The following UBE2V2 variants were observed in gnomAD, a reference collection of about 807,000 sequenced individuals.
UBE2V2 encodes the protein ubiquitin conjugating enzyme E2 V2, also known as ubiquitin-conjugating enzyme E2 variant 2.
In UBE2V2, 9 loss-of-function variants were observed where a neutral mutation model predicts 17.2. That is an observed-to-expected ratio of 0.52 (90% CI 0.32 to 0.91). UBE2V2 has a LOEUF of 0.91. UBE2V2 is among the 40% of genes least tolerant of loss of function. The pLI is 0.04. For synonymous variants in UBE2V2, 61 were observed against 57.5 expected, an observed-to-expected ratio of 1.06 and a Z score of -0.28; for missense variants, 133 against 182.6, an observed-to-expected ratio of 0.73 and a Z score of 1.56.
At chr8:48,053,657 C>T (rs1483122864) in intron 3 of UBE2V2, among the ~76,000 whole-genome samples, 2 of 151,950 alleles carry the variant, frequency 1.3e-5, no homozygotes, top group Non-Finnish European at 2.9e-5. Context: ...AACTCCTGAC[C>T]TCAAATGATC....
At chr8:48,033,881 T>C (rs991770292) in intron 1 of UBE2V2, among the ~76,000 whole-genome samples, 1 of 152,046 alleles carries the variant, frequency 6.6e-6, no homozygotes, top group African/African-American at 2.4e-5. Flanking sequence ...CGCTTGAGCC[T>C]AGGTGGATGA....
chr8:48,014,007 G>A (rs1294872661), intron 1 of UBE2V2, among the ~76,000 whole-genome samples: 1 of 152,174 alleles, frequency 6.6e-6, no homozygotes, highest in Non-Finnish European at 1.5e-5. Context: ...ACTCGGGTGT[G>A]GTGATAGAAG....
chr8:48,006,950 G>C (rs185490838), upstream of UBE2V2, among the ~76,000 whole-genome samples: 1 of 151,748 alleles, frequency 6.6e-6, no homozygotes, highest in East Asian at 1.9e-4. Context: ...TCGCCATCTC[G>C]GTTCACTGCA....
At chr8:48,011,291 C>T (rs2091229641) in intron 1 of UBE2V2, among the ~76,000 whole-genome samples, 1 of 151,772 alleles carries the variant, frequency 6.6e-6, no homozygotes, top group South Asian at 2.1e-4. Flanking sequence ...CCTCAGCATT[C>T]TGAGTAGCTG....
chr8:48,008,589 C>T, intron 1 of UBE2V2, 119 bp downstream of exon 1: 3 of 1,391,840 alleles, frequency 2.2e-6, no homozygotes, highest in Non-Finnish European at 2.8e-6. Context: ...GTCTCGAATG[C>T]CGCGCTCTCC....
chr8:48,057,946 C>G (rs567707528), intron 3 of UBE2V2, among the ~76,000 whole-genome samples: 2 of 152,202 alleles, frequency 1.3e-5, no homozygotes, highest in Admixed American at 1.3e-4. Flanking sequence ...GGTAGTTTTA[C>G]TTCTTTTCTT....
At chr8:48,008,013 C>T (rs1006682491), upstream of UBE2V2, among the ~76,000 whole-genome samples, 5 of 152,084 alleles carry the variant, frequency 3.3e-5, no homozygotes, top group Non-Finnish European at 5.9e-5. Flanking sequence ...CCTCCGCCTC[C>T]CCGGTTCAAA....
chr8:48,017,378 C>CTT (rs778688669), intron 1 of UBE2V2, among the ~76,000 whole-genome samples: 12 of 142,422 alleles, frequency 8.4e-5, no homozygotes, highest in Non-Finnish European at 1.5e-4. Flanking sequence ...TTCTCTCTCT[C>CTT]TTTTTTTTTT....
chr8:48,053,422 A>ATTTTTTTT (rs1218371704), intron 3 of UBE2V2, among the ~76,000 whole-genome samples: 2 of 136,548 alleles, frequency 1.5e-5, no homozygotes, highest in African/African-American at 5.3e-5. Flanking sequence ...AGATCTTTTA[A>ATTTTTTTT]TTTTTTTTTT....
At chr8:47,998,635 G>T in the UBE2V2 span, among the ~76,000 whole-genome samples, 6 of 151,772 alleles carry the variant, frequency 4.0e-5, 1 homozygote, top group African/African-American at 1.5e-4. Flanking sequence ...GTTCAGGGAA[G>T]GGGAGAGACT....
chr8:48,000,940 G>A, the UBE2V2 span, among the ~76,000 whole-genome samples: 1 of 150,668 alleles, frequency 6.6e-6, no homozygotes, highest in African/African-American at 2.4e-5. Flanking sequence ...GTGTTTCTCT[G>A]TATTTTGATG....
At chr8:48,042,735 A>T in intron 1 of UBE2V2, 1 of 196,338 alleles carries the variant, frequency 5.1e-6, no homozygotes, top group Non-Finnish European at 1.0e-5. Flanking sequence ...TAACAGAAAC[A>T]TCAAATAGGG....
At chr8:48,055,354 C>T (rs1585446325) in intron 3 of UBE2V2, among the ~76,000 whole-genome samples, 2 of 151,900 alleles carry the variant, frequency 1.3e-5, no homozygotes, top group African/African-American at 4.8e-5. Context: ...CGCCCGCCAA[C>T]ATGACCAGCT....
intron 1 of UBE2V2, among the ~76,000 whole-genome samples, chr8:48,028,010 C>A (rs746277458): frequency 6.6e-6 from 1 of 151,780 alleles, no homozygotes; most frequent in South Asian, 2.1e-4. Flanking sequence ...CCCACCACCA[C>A]GCCTGGCTAA....
At chr8:48,014,808 T>C (rs1478876869) in intron 1 of UBE2V2, among the ~76,000 whole-genome samples, 2 of 151,894 alleles carry the variant, frequency 1.3e-5, no homozygotes, top group East Asian at 3.9e-4. Flanking sequence ...CCTAGCACTT[T>C]GGGAGGCCGA....
At chr8:48,029,272 T>C (rs780592826) in intron 1 of UBE2V2, among the ~76,000 whole-genome samples, 1 of 152,110 alleles carries the variant, frequency 6.6e-6, no homozygotes, top group Non-Finnish European at 1.5e-5. Flanking sequence ...GAGGTTGCAG[T>C]GAGACATGAT....
Position 48,022,672 on chromosome 8 carries a change from T to C in UBE2V2, c.16+14202T>C, listed in dbSNP as rs190297024. Among the ~76,000 whole-genome samples the C allele has an allele frequency of 3.9e-5, 6 of 152,322 alleles. No individual in the cohort carries two copies. The East Asian group carries it at 1.2e-3, about 29-fold the overall frequency. On this transcript the variant is annotated intron_variant, in intron 1 of 3. Transcript: ENST00000523111. ...CTTGAAGAACTTCCCATAGCATTTC[T>C]TGTAAGGCAGGTCTTGTGGTGATAA...
At chr8:48,050,934 C>T (rs1462556776) in intron 3 of UBE2V2, among the ~76,000 whole-genome samples, 1 of 152,172 alleles carries the variant, frequency 6.6e-6, no homozygotes, top group Non-Finnish European at 1.5e-5. Flanking sequence ...TCCCCCACTT[C>T]CTGTGGCCTC....
the UBE2V2 span, among the ~76,000 whole-genome samples, chr8:47,998,047 C>T: frequency 6.6e-6 from 1 of 151,972 alleles, no homozygotes; most frequent in Non-Finnish European, 1.5e-5. Flanking sequence ...AAAGCCAGAA[C>T]ATAAGGAATC....
Sources: gnomAD v4.1 joint callset for allele counts (sites outside exome capture counted in the v4.1 genomes callset) on GRCh38, gnomAD v4.1.1 for gene constraint, MANE v1.5 for transcripts, NCBI Gene and HGNC (gene_info 2026-07-23, HGNC 2026-07-21) for gene names.